The following SMCHD1 variants were observed in gnomAD, a reference collection of about 807,000 sequenced individuals.
SMCHD1 encodes the protein structural maintenance of chromosomes flexible hinge domain-containing protein 1.
In SMCHD1, 78 loss-of-function variants were observed where a neutral mutation model predicts 254.7. The ratio of observed to expected loss-of-function variants is 0.31; its 90% CI spans 0.26 to 0.37. The LOEUF (loss-of-function observed/expected upper bound fraction) is 0.37, where lower values mean the gene tolerates loss of function less well. Among genes scored for constraint, SMCHD1 ranks in the 10% least tolerant of loss-of-function variants. The probability of loss-of-function intolerance (pLI) is 1.00; values close to 1 mark genes in which losing one functional copy is unlikely to be tolerated. For synonymous variants in SMCHD1, 766 were observed against 794.9 expected (o/e 0.96, Z 0.61); for missense variants, 1,840 against 2,408.1 (o/e 0.76, Z 4.94).
chr18:2,773,777 G>A (rs1362742938), intron 41 of SMCHD1, among the ~76,000 whole-genome samples: 1 of 152,110 alleles, frequency 6.6e-6, no homozygotes, highest in Non-Finnish European at 1.5e-5. Flanking sequence ...ACAAAAAATA[G>A]CCAGACATGG....
At chr18:2,709,205 C>T (rs1272219936) in intron 17 of SMCHD1, among the ~76,000 whole-genome samples, 2 of 122,356 alleles carry the variant, frequency 1.6e-5, no homozygotes, top group African/African-American at 2.9e-5. Flanking sequence ...ATAATATTCC[C>T]TTGTGTGTGT....
At chr18:2,747,419 T>A in intron 29 of SMCHD1, 103 bp from the exon 30 acceptor site, 1 of 1,036,458 alleles carries the variant, frequency 9.6e-7, no homozygotes, top group Non-Finnish European at 1.3e-6. Context: ...CATTTGCAAA[T>A]AGAACAGAGA....
At chr18:2,673,904 A>G in intron 4 of SMCHD1, 111 bp from the exon 5 acceptor site, 1 of 1,056,424 alleles carries the variant, frequency 9.5e-7, no homozygotes, top group South Asian at 1.6e-5. Context: ...TTGCACTTCC[A>G]TCAGTAATGT....
chr18:2,704,310 C>T (rs1035544914), intron 13 of SMCHD1, among the ~76,000 whole-genome samples: 3 of 152,174 alleles, frequency 2.0e-5, no homozygotes, highest in Middle Eastern at 3.4e-3. Flanking sequence ...CTAAACTTTA[C>T]TCACATGGAG....
At chr18:2,698,343 G>A (rs2074328187) in intron 10 of SMCHD1, among the ~76,000 whole-genome samples, 1 of 151,924 alleles carries the variant, frequency 6.6e-6, no homozygotes, top group African/African-American at 2.4e-5. Flanking sequence ...TATCCTTGTT[G>A]CAGTTTTACA....
chr18:2,754,802 T>G (rs926335847), intron 34 of SMCHD1, among the ~76,000 whole-genome samples: 4 of 150,828 alleles, frequency 2.7e-5, no homozygotes, highest in Non-Finnish European at 5.9e-5. Flanking sequence ...TGTGTTCTTT[T>G]TATACAGTTA....
At position 2,673,477 on chromosome 18, in the gene SMCHD1, A is replaced by T. The variant is rs981620829; in HGVS notation, c.507+114A>T. 11 of 781,578 alleles carry T rather than the reference A, an allele frequency of 1.4e-5. No homozygotes were observed. The African/African-American group carries it at 1.8e-4, about 13-fold the overall frequency. 48.4% of individuals were successfully genotyped at this position (781,578 alleles called of 1,614,324 possible). A position where few individuals can be genotyped will look rare whatever the true frequency, so the allele number is the denominator to read the frequency against. On this transcript the variant is annotated intron_variant, in intron 4 of 47. Coordinates refer to ENST00000320876, the MANE Select transcript of SMCHD1 (RefSeq NM_015295.3). ...AACTAAAAGTAGAAATAATTGTCAG[A>T]TATCTCTTCATCCATTGTTAAAATT...
chr18:2,692,803 T>C (rs1468133274), intron 7 of SMCHD1, among the ~76,000 whole-genome samples: 1 of 152,250 alleles, frequency 6.6e-6, no homozygotes, highest in Non-Finnish European at 1.5e-5. Flanking sequence ...CATTTGTTTT[T>C]TCATCTCCTA....
Position 2,728,386 on chromosome 18 carries a change from T to C in SMCHD1, c.2774-71T>C, listed in dbSNP as rs1338337305. 9.2e-6 allele frequency: 13 copies of C among 1,414,316 alleles called. 1 individual carries two copies. The highest frequency in any genetic ancestry group is 9.0e-5 in the South Asian group (7 of 77,738). 87.6% of individuals were successfully genotyped at this position (1,414,316 alleles called of 1,614,324 possible). On this transcript the variant is annotated intron_variant, in intron 22 of 47. Transcript: ENST00000320876. Reference sequence around the variant, plus strand: ...TATTAAGTCTTTAATGTTAAAGTTATTTCTTTTGCTATTTCAGTACTTTAG... The same window carrying C: ...TATTAAGTCTTTAATGTTAAAGTTACTTCTTTTGCTATTTCAGTACTTTAG...
Position 2,788,482 on chromosome 18 carries a change from T to A in SMCHD1, c.5719+3861T>A, listed in dbSNP as rs545201617. ...GAAATATACTTTTAATTCTGGGTTA[T>A]ATAATTGGGATAATTTTCTCCATTA... On this transcript the variant is annotated intron_variant, in intron 45 of 47. Coordinates refer to ENST00000320876, the MANE Select transcript of SMCHD1 (RefSeq NM_015295.3). Among the ~76,000 whole-genome samples the A allele has an allele frequency of 2.6e-5, 4 of 152,370 alleles. No homozygotes were observed. The South Asian group carries it at 6.2e-4, about 24-fold the overall frequency.
In SMCHD1 at chr18:2,794,283, AC is replaced by A. The variant is rs781440334; in HGVS notation, c.5720-1664del. On this transcript the variant is annotated intron_variant, in intron 45 of 47. Coordinates refer to ENST00000320876, the MANE Select transcript of SMCHD1 (RefSeq NM_015295.3). ...CAGCCTGGGCTCAAGCAGTCCGCTC[AC>A]CTTGGCCTCCCAAAGGTCGAACAGC... Among the ~76,000 whole-genome samples, 762 of 152,258 alleles carry A rather than the reference AC, an allele frequency of 5.0e-3. 5 individuals are homozygous for A. The highest frequency in any genetic ancestry group is 0.017 in the African/African-American group (712 of 41,556).
chr18:2,736,222 T>G (rs558093305), intron 25 of SMCHD1, among the ~76,000 whole-genome samples: 4 of 152,294 alleles, frequency 2.6e-5, no homozygotes, highest in African/African-American at 9.6e-5. Context: ...AGAATGAAAG[T>G]GGATCCCTAC....
At chr18:2,686,472 C>T (rs764048648) in intron 5 of SMCHD1, among the ~76,000 whole-genome samples, 12 of 152,128 alleles carry the variant, frequency 7.9e-5, no homozygotes, top group African/African-American at 2.4e-4. Flanking sequence ...CAGCTTGCAT[C>T]GTTTATAAGG....
At position 2,718,567 on chromosome 18, in the gene SMCHD1, T is replaced by G. The variant is rs1195136413; in HGVS notation, c.2458+133T>G. On this transcript the variant is annotated intron_variant, in intron 19 of 47. Transcript: ENST00000320876. The surrounding 1 kb of genome is among the most constrained non-coding windows in gnomAD (Gnocchi z 4.6). ...TCTCGATTTTATTTTATTTTCTTAC[T>G]TACTTTGAGATGGGGTCTCATTCTG... 40 of 793,266 alleles carry G rather than the reference T, an allele frequency of 5.0e-5. No homozygotes were observed. In the Admixed American group the frequency reaches 1.4e-3, roughly 27 times the overall value. The allele number at this position is 793,266 out of a possible 1,614,324, so 49.1% of individuals were successfully genotyped here.
At chr18:2,747,855 A>G (rs913457950) in intron 30 of SMCHD1, among the ~76,000 whole-genome samples, 7 of 152,320 alleles carry the variant, frequency 4.6e-5, no homozygotes, top group Middle Eastern at 6.8e-3. Context: ...AGGGGCCAAC[A>G]TTGTACAGTT....
intron 45 of SMCHD1, among the ~76,000 whole-genome samples, chr18:2,788,670 TCTAATTGCAAC>T (rs1290555662): frequency 6.6e-6 from 1 of 152,132 alleles, no homozygotes; most frequent in Non-Finnish European, 1.5e-5. Flanking sequence ...AGTGGCTTGA[TCTAATTGCAAC>T]CTCCACCTCC....
At chr18:2,724,499 T>G (rs1326477425) in intron 20 of SMCHD1, among the ~76,000 whole-genome samples, 3 of 152,104 alleles carry the variant, frequency 2.0e-5, no homozygotes, top group Non-Finnish European at 4.4e-5. Flanking sequence ...ATCCCACTGG[T>G]GAAAGATTTG....
At position 2,769,918 on chromosome 18, in the gene SMCHD1, A is replaced by G. The variant is rs568462432; in HGVS notation, c.4847-71A>G. The G allele has an allele frequency of 3.1e-4, 474 of 1,533,926 alleles. 4 individuals are homozygous for G. The South Asian group carries it at 4.7e-3, about 15-fold the overall frequency. ...TTAACTTGGTGTTTATTAGCTATCTAACCACTTTATGACATATTTTAGAAA... is the reference window on the plus strand; with the variant it reads ...TTAACTTGGTGTTTATTAGCTATCTGACCACTTTATGACATATTTTAGAAA... On this transcript the variant is annotated intron_variant, in intron 38 of 47. Transcript: ENST00000320876.
chr18:2,666,295 C>A, intron 2 of SMCHD1, 63 bp downstream of exon 2: 3 of 746,810 alleles, frequency 4.0e-6, no homozygotes, highest in Non-Finnish European at 6.5e-6. Context: ...ACATATATAG[C>A]AATAACTTTT....
Sources: gnomAD v4.1 joint callset for allele counts (sites outside exome capture counted in the v4.1 genomes callset) on GRCh38, gnomAD v4.1.1 for gene constraint, Gnocchi (gnomAD v3.1) non-coding constraint, MANE v1.5 for transcripts, NCBI Gene and HGNC (gene_info 2026-07-23, HGNC 2026-07-21) for gene names.